The following PDE10A variants were observed in gnomAD, a reference collection of about 807,000 sequenced individuals.
The protein encoded by PDE10A is cAMP and cAMP-inhibited cGMP 3',5'-cyclic phosphodiesterase 10A.
Under a neutral mutation model 97.7 loss-of-function variants are expected in PDE10A, and 39 were observed. The observed-to-expected ratio is 0.40, with a 90% CI of 0.31 to 0.52. The LOEUF (loss-of-function observed/expected upper bound fraction) is 0.52, where lower values mean the gene tolerates loss of function less well. Ranked by LOEUF, PDE10A falls within the 20% of genes least tolerant of loss-of-function variation. PDE10A has a pLI of 0.56. For missense variants in PDE10A, 731 were observed against 1,047.8 expected (o/e 0.70, Z 4.17); for synonymous variants, 371 against 376.8 (o/e 0.98, Z 0.18).
intron 18 of PDE10A, among the ~76,000 whole-genome samples, chr6:165,374,894 CAT>C (rs1784520648): frequency 6.6e-6 from 1 of 151,834 alleles, no homozygotes; most frequent in African/African-American, 2.4e-5. Flanking sequence ...CAAATATTCT[CAT>C]TATTTTATTG....
intron 1 of PDE10A, among the ~76,000 whole-genome samples, chr6:165,710,671 A>C (rs1418668373): frequency 6.6e-6 from 1 of 152,212 alleles, no homozygotes; most frequent in African/African-American, 2.4e-5. Flanking sequence ...TCATCAGATA[A>C]AAATAATGTA....
In PDE10A at chr6:165,701,212, G is replaced by A. The variant is rs148857589; in HGVS notation, c.-614-157644C>T. On this transcript the variant is annotated intron_variant, in intron 1 of 19. Coordinates refer to the PDE10A transcript ENST00000366882. ...TGGCAGCAAATTCCTGGGTAAATAG[G>A]AAAGCCTGCCGAAGAGTGACCTGTC... is the stretch of plus-strand genomic sequence containing the variant. 3.2e-3 allele frequency among the ~76,000 whole-genome samples: 494 copies of A among 152,318 alleles called. 1 individual carries two copies. Among genetic ancestry groups the A allele is most frequent in the Middle Eastern group, 0.027 (8 of 294 alleles).
chr6:165,844,031 G>A (rs190085726), intron 1 of PDE10A, among the ~76,000 whole-genome samples: 128 of 152,294 alleles, frequency 8.4e-4, no homozygotes, highest in Middle Eastern at 3.4e-3. Context: ...GAGAAGGGAC[G>A]AGTCTGGAGC....
intron 1 of PDE10A, among the ~76,000 whole-genome samples, chr6:165,724,790 C>T (rs181500956): frequency 7.9e-5 from 12 of 152,252 alleles, no homozygotes; most frequent in Admixed American, 1.3e-4. Flanking sequence ...AGAGGTGAAA[C>T]GTTTGGGAGT....
intron 1 of PDE10A, among the ~76,000 whole-genome samples, chr6:165,960,782 G>A (rs1784334257): frequency 1.3e-5 from 2 of 152,184 alleles, no homozygotes; most frequent in South Asian, 2.1e-4. Context: ...AGACAGACCC[G>A]ATCCTCAGGC....
intron 18 of PDE10A, among the ~76,000 whole-genome samples, chr6:165,368,973 T>C (rs1395907829): frequency 1.3e-5 from 2 of 152,198 alleles, no homozygotes; most frequent in Non-Finnish European, 1.5e-5. Context: ...AAACAGGGTC[T>C]GGAGTGGACC....
chr6:165,656,274 A>T (rs1028306890), intron 1 of PDE10A, among the ~76,000 whole-genome samples: 1 of 137,162 alleles, frequency 7.3e-6, no homozygotes, highest in African/African-American at 2.8e-5. Flanking sequence ...ACACACACAC[A>T]CACACACACA....
chr6:165,336,735 G>A (rs562542012), intron 20 of PDE10A, among the ~76,000 whole-genome samples: 6 of 126,696 alleles, frequency 4.7e-5, no homozygotes, highest in East Asian at 2.3e-4. Context: ...CGGCCTGGGC[G>A]ACAGAGCGAG....
intron 1 of PDE10A, among the ~76,000 whole-genome samples, chr6:165,582,703 G>T (rs527925923): frequency 1.3e-5 from 2 of 151,716 alleles, no homozygotes; most frequent in South Asian, 4.2e-4. Flanking sequence ...TACTCTTTGG[G>T]GATTTTTACT....
intron 2 of PDE10A, among the ~76,000 whole-genome samples, chr6:165,533,625 A>C (rs1478628031): frequency 6.6e-6 from 1 of 152,196 alleles, no homozygotes; most frequent in East Asian, 1.9e-4. Flanking sequence ...CCAGAAAATG[A>C]ATAGTACTGG....
intron 1 of PDE10A, among the ~76,000 whole-genome samples, chr6:165,606,627 C>G (rs1362643517): frequency 1.3e-5 from 2 of 152,130 alleles, no homozygotes; most frequent in Non-Finnish European, 2.9e-5. Flanking sequence ...AATACCACAT[C>G]ACTAATGACT....
intron 1 of PDE10A, among the ~76,000 whole-genome samples, chr6:165,620,330 G>C (rs780583836): frequency 1.3e-5 from 2 of 152,126 alleles, no homozygotes; most frequent in Admixed American, 6.6e-5. Context: ...GGTGATGATG[G>C]GGGGGTAGAA....
In PDE10A at chr6:165,655,722, C is replaced by G. The variant is rs1290904010; in HGVS notation, c.865+6225G>C. ...TCTGAGATCATAAACCATGGATCAC[C>G]CACTGCTCAAAACCTCCCCAAAGCC... On this transcript the variant is annotated intron_variant, in intron 1 of 21. Coordinates refer to ENST00000539869, the MANE Select transcript of PDE10A (RefSeq NM_001385079.1). The surrounding 1 kb of genome is among the most constrained non-coding windows in gnomAD (Gnocchi z 4.5). Among the ~76,000 whole-genome samples, 1 of 152,130 alleles carries G rather than the reference C, an allele frequency of 6.6e-6. No individual in the cohort carries two copies. The highest frequency in any genetic ancestry group is 1.5e-5 in the Non-Finnish European group (1 of 68,034).
chr6:165,943,346 G>GAAAGAAAGAAAGAAAGAAAAAGAAAGAA (rs369730730), intron 1 of PDE10A, among the ~76,000 whole-genome samples: 1 of 79,488 alleles, frequency 1.3e-5, no homozygotes, highest in African/African-American at 5.5e-5. Context: ...AGAAAGAAAA[G>GAAAGAAAGAAAGAAAGAAAAAGAAAGAA]AGAAAGAAAG....
intron 5 of PDE10A, among the ~76,000 whole-genome samples, chr6:165,447,986 C>CA (rs141126921): frequency 0.038 from 5,777 of 152,226 alleles, 152 homozygotes; most frequent in Non-Finnish European, 0.061. Flanking sequence ...TCGCACTTTG[C>CA]AAAACTGTTA....
intron 3 of PDE10A, among the ~76,000 whole-genome samples, chr6:165,478,297 A>G (rs1779405658): frequency 6.6e-6 from 1 of 152,160 alleles, no homozygotes; most frequent in Non-Finnish European, 1.5e-5. Flanking sequence ...ACCATATACA[A>G]CTACAAACCA....
At chr6:165,626,601 A>T (rs545228419) in intron 1 of PDE10A, among the ~76,000 whole-genome samples, 1 of 152,250 alleles carries the variant, frequency 6.6e-6, no homozygotes. Context: ...CAGCTTACCT[A>T]AAATACCACG....
At chr6:165,880,967 A>T (rs944770941) in intron 1 of PDE10A, among the ~76,000 whole-genome samples, 9 of 152,192 alleles carry the variant, frequency 5.9e-5, no homozygotes, top group Admixed American at 1.3e-4. Context: ...TTGTCATTTC[A>T]TAAGAGTTTT....
In PDE10A at chr6:165,943,214, A is replaced by AAG. The variant is rs1562809625; in HGVS notation, c.-615+44314_-615+44315insCT. Reference sequence around the variant, plus strand: ...AAGAAAGAAAGAAAGAAAGAAAGAAAGAAAGAAAGAAAGAAAGAAAGAAGG... The same window carrying AAG: ...AAGAAAGAAAGAAAGAAAGAAAGAAAAGGAAAGAAAGAAAGAAAGAAAGAAGG... On this transcript the variant is annotated intron_variant, in intron 1 of 19. Coordinates refer to the PDE10A transcript ENST00000366882. Among the ~76,000 whole-genome samples, 171 of 85,896 alleles carry AAG rather than the reference A, an allele frequency of 2.0e-3. 5 individuals are homozygous for AAG. The highest frequency in any genetic ancestry group is 3.7e-3 in the African/African-American group (67 of 18,256). 56.4% of individuals were successfully genotyped at this position (85,896 alleles called of 152,430 possible). A position where few individuals can be genotyped will look rare whatever the true frequency, so the allele number is the denominator to read the frequency against.
Sources: allele counts gnomAD v4.1 joint callset (sites outside exome capture counted in the v4.1 genomes callset), GRCh38; gene constraint gnomAD v4.1.1; non-coding constraint Gnocchi (gnomAD v3.1); transcripts MANE v1.5; gene names NCBI Gene and HGNC (gene_info 2026-07-23, HGNC 2026-07-21).